The following RPS6KA5 variants were observed in gnomAD, a reference collection of about 807,000 sequenced individuals.
RPS6KA5 encodes ribosomal protein S6 kinase A5, also known as ribosomal protein S6 kinase alpha-5.
RPS6KA5 carries 27 observed loss-of-function variants against 85.5 expected under a neutral mutation model. The ratio of observed to expected loss-of-function variants is 0.32; its 90% CI spans 0.23 to 0.44. The LOEUF is 0.44. Ranked by LOEUF, RPS6KA5 falls within the 20% of genes least tolerant of loss-of-function variation. The pLI is 1.00. For synonymous variants in RPS6KA5, 334 were observed against 348.2 expected, an observed-to-expected ratio of 0.96 and a Z score of 0.46; for missense variants, 811 against 980.9, an observed-to-expected ratio of 0.83 and a Z score of 2.31.
rs2032722136 is a variant in RPS6KA5, at chr14:90,864,635, C to T, written c.*7439G>A. 6.6e-6 allele frequency: 1 copy of T among 151,988 alleles called. No homozygotes were observed. Among genetic ancestry groups the T allele is most frequent in the South Asian group, 2.1e-4 (1 of 4,828 alleles). The allele number at this position is 151,988 out of a possible 1,614,324, so 9.4% of individuals were successfully genotyped here. ...AAGACATTTATGGTAAAATATCAGA[C>T]AAAAACCCTCATATCCATAAAATAT... On this transcript the variant is annotated 3_prime_UTR_variant, in exon 17 of 17. Transcript: ENST00000614987.
In RPS6KA5 at chr14:91,030,611, GAAAAAAAAAAAA is replaced by G. The variant is rs58737573; in HGVS notation, c.104-29464_104-29453del. Among the ~76,000 whole-genome samples, 45 of 22,082 alleles carry G rather than the reference GAAAAAAAAAAAA, an allele frequency of 2.0e-3. No homozygotes were observed. The East Asian group carries it at 0.04, about 20-fold the overall frequency. The allele number at this position is 22,082 out of a possible 152,430, so 14.5% of individuals were successfully genotyped here. ...AACATGCAAGACACCAAAATAAACA[GAAAAAAAAAAAA>G]AAAAAAAAAAAAAAAAGGAAGTTCA... On this transcript the variant is annotated intron_variant, in intron 1 of 16. Transcript: ENST00000614987.
At chr14:90,898,936 C>T (rs1178984933) in intron 12 of RPS6KA5, among the ~76,000 whole-genome samples, 1 of 152,160 alleles carries the variant, frequency 6.6e-6, no homozygotes, top group African/African-American at 2.4e-5. Context: ...CAGTTTTACT[C>T]TAGAAGTGAA....
chr14:90,983,841 T>TCTCTCTCTCTCTC (rs1487178474), intron 2 of RPS6KA5, among the ~76,000 whole-genome samples: 6 of 75,298 alleles, frequency 8.0e-5, no homozygotes, highest in Non-Finnish European at 1.1e-4. Flanking sequence ...CTCTCTCTCT[T>TCTCTCTCTCTCTC]TCTTTTTTTC....
chr14:90,873,898 T>C, intron 15 of RPS6KA5, 103 bp from the exon 16 acceptor site: 1 of 959,014 alleles, frequency 1.0e-6, no homozygotes, highest in East Asian at 2.4e-5. Context: ...CATAATGGTT[T>C]CTATATAGCT....
intron 14 of RPS6KA5, among the ~76,000 whole-genome samples, chr14:90,884,456 T>C (rs1278054436): frequency 6.6e-6 from 1 of 152,146 alleles, no homozygotes; most frequent in Non-Finnish European, 1.5e-5. Flanking sequence ...TCCAAAGAAA[T>C]CCGAAATCCA....
At chr14:91,000,540 T>TA (rs1305301383) in intron 2 of RPS6KA5, among the ~76,000 whole-genome samples, 1 of 152,212 alleles carries the variant, frequency 6.6e-6, no homozygotes, top group Non-Finnish European at 1.5e-5. Context: ...CTCATGCCTA[T>TA]AATCCCAGCC....
chr14:91,023,341 T>C (rs1486181746), intron 1 of RPS6KA5, among the ~76,000 whole-genome samples: 2 of 151,914 alleles, frequency 1.3e-5, no homozygotes, highest in Admixed American at 1.3e-4. Context: ...CAGGCTGGAC[T>C]GCAATGGTGT....
At chr14:90,966,787 A>G (rs1424787058) in intron 3 of RPS6KA5, among the ~76,000 whole-genome samples, 1 of 152,220 alleles carries the variant, frequency 6.6e-6, no homozygotes, top group Non-Finnish European at 1.5e-5. Context: ...TAACTGCCGT[A>G]GCCACATAAG....
chr14:91,018,430 G>A (rs917680957), intron 1 of RPS6KA5, among the ~76,000 whole-genome samples: 1 of 152,196 alleles, frequency 6.6e-6, no homozygotes, highest in Non-Finnish European at 1.5e-5. Flanking sequence ...ACTGATATTT[G>A]AGTCAGTGGA....
intron 7 of RPS6KA5, among the ~76,000 whole-genome samples, chr14:90,918,777 A>C (rs1327809222): frequency 6.6e-6 from 1 of 152,210 alleles, no homozygotes; most frequent in Non-Finnish European, 1.5e-5. Flanking sequence ...AACTATCTTT[A>C]CAGAAGTGAC....
intron 5 of RPS6KA5, among the ~76,000 whole-genome samples, chr14:90,924,199 C>G (rs964189762): frequency 6.6e-6 from 1 of 152,094 alleles, no homozygotes; most frequent in African/African-American, 2.4e-5. Context: ...TCTTAATTCT[C>G]TCAATTATTT....
chr14:91,005,198 C>T (rs1489346834), intron 1 of RPS6KA5, among the ~76,000 whole-genome samples: 1 of 152,186 alleles, frequency 6.6e-6, no homozygotes, highest in East Asian at 1.9e-4. Context: ...ACTTGGCCTA[C>T]AGTCTTTGAG....
rs576119132 is a variant in RPS6KA5 at position 90,969,650 on chromosome 14, A to C, written c.394+8656T>G. ...CTACATCTCCTGCTTTCAAGGAAAG[A>C]TTCTGTTCTGCTTTCACTCTCCAAA... is the stretch of plus-strand genomic sequence containing the variant. On this transcript the variant is annotated intron_variant, in intron 3 of 16. Transcript: ENST00000614987. Among the ~76,000 whole-genome samples the C allele has an allele frequency of 2.6e-5, 4 of 152,322 alleles. No individual in the cohort carries two copies. The East Asian group carries it at 7.7e-4, about 29-fold the overall frequency.
intron 2 of RPS6KA5, among the ~76,000 whole-genome samples, chr14:90,982,101 A>T (rs2039813315): frequency 6.6e-6 from 1 of 152,266 alleles, no homozygotes; most frequent in South Asian, 2.1e-4. Flanking sequence ...AAGAGCGGCC[A>T]TTGAAACTGG....
rs111607722 is a variant in RPS6KA5, at chr14:90,988,024, C to G, written c.176-9500G>C. Among the ~76,000 whole-genome samples the G allele has an allele frequency of 4.2e-3, 646 of 152,236 alleles. 4 individuals carry two copies. Among genetic ancestry groups the G allele is most frequent in the African/African-American group, 0.014 (597 of 41,532 alleles). ...CTCCAGCACCCAGAACAGTGTCTGC[C>G]TCTTGGTAAATACAAATGAATGAAT... On this transcript the variant is annotated intron_variant, in intron 2 of 16. Transcript: ENST00000614987.
chr14:90,982,716 C>T (rs1390182293), intron 2 of RPS6KA5, among the ~76,000 whole-genome samples: 2 of 152,230 alleles, frequency 1.3e-5, no homozygotes, highest in Non-Finnish European at 2.9e-5. Flanking sequence ...CAGTGGCTCA[C>T]GCCTCTAATC....
At chr14:90,896,615 C>T (rs1366578279) in intron 12 of RPS6KA5, among the ~76,000 whole-genome samples, 1 of 152,120 alleles carries the variant, frequency 6.6e-6, no homozygotes, top group Non-Finnish European at 1.5e-5. Context: ...ATGGAAGGCT[C>T]ACAGCCAAGG....
chr14:90,974,037 CAAAAA>C lies in RPS6KA5; in HGVS notation c.394+4264_394+4268del, dbSNP rs56212923. 3.4e-4 allele frequency among the ~76,000 whole-genome samples: 21 copies of C among 61,456 alleles called. 1 individual carries two copies. In the South Asian group the frequency reaches 4.4e-3, roughly 13 times the overall value. The allele number at this position is 61,456 out of a possible 152,430, so 40.3% of individuals were successfully genotyped here. A position where few individuals can be genotyped will look rare whatever the true frequency, so the allele number is the denominator to read the frequency against. On this transcript the variant is annotated intron_variant, in intron 3 of 16. Transcript: ENST00000614987. ...AAGGTGACAGAGTGAGACTCCATCTCAAAAAAAAAAAAAAAAAAAAAATAGTGTCC... is the reference window on the plus strand; with the variant it reads ...AAGGTGACAGAGTGAGACTCCATCTCAAAAAAAAAAAAAAAAATAGTGTCC...
chr14:91,043,583 T>TG (rs2042681581), intron 1 of RPS6KA5, among the ~76,000 whole-genome samples: 1 of 152,188 alleles, frequency 6.6e-6, no homozygotes, highest in Non-Finnish European at 1.5e-5. Flanking sequence ...CTCACTTCAC[T>TG]GGGTTGCTGT....
Sources: allele counts gnomAD v4.1 joint callset (sites outside exome capture counted in the v4.1 genomes callset), GRCh38; gene constraint gnomAD v4.1.1; transcripts MANE v1.5; gene names NCBI Gene and HGNC (gene_info 2026-07-23, HGNC 2026-07-21).